Variants in ZHX1 observed in about 807,000 individuals in gnomAD.
ZHX1 encodes the protein zinc fingers and homeoboxes 1.
A neutral mutation model predicts 61.8 loss-of-function variants in ZHX1; 20 were observed. That is an observed-to-expected ratio of 0.32 (90% CI 0.23 to 0.47). ZHX1 has a LOEUF of 0.47. Ranked by LOEUF, ZHX1 falls within the 20% of genes least tolerant of loss-of-function variation. ZHX1 has a pLI of 1.00. For synonymous variants in ZHX1, 318 were observed against 352.6 expected, an observed-to-expected ratio of 0.90 and a Z score of 1.10; for missense variants, 800 against 1,034.8, an observed-to-expected ratio of 0.77 and a Z score of 3.11.
Position 123,253,772 on chromosome 8 carries a change from G to C in ZHX1, c.2175C>G (p.Tyr725Ter). The change falls in exon 3 of 4, where the codon TAC becomes TAG. Residue 725 changes from tyrosine (Y) to a stop codon, truncating the protein, a stop_gained. Coordinates refer to ENST00000395571, the MANE Select transcript of ZHX1 (RefSeq NM_007222.5). LOFTEE classifies it high-confidence loss of function. ...WKNGNLKWYY[Y>*]YQSANSSSMN... ...TACTACTTGAATTGGCGCTCTGATA[G>C]TAGTAGTACCATTTCAAGTTTCCAT... 6.2e-7 allele frequency: 1 copy of C among 1,614,230 alleles called. No homozygotes were observed. The highest frequency in any genetic ancestry group is 8.5e-7 in the Non-Finnish European group (1 of 1,180,044).
intron 3 of ZHX1, among the ~76,000 whole-genome samples, chr8:123,250,636 C>G (rs1825891561): frequency 6.6e-6 from 1 of 152,028 alleles, no homozygotes; most frequent in Admixed American, 6.5e-5. Flanking sequence ...GTACTTTTTT[C>G]TATTTCTATA....
At chr8:123,266,935 TC>T (rs1177809012) in intron 2 of ZHX1, among the ~76,000 whole-genome samples, 1 of 152,144 alleles carries the variant, frequency 6.6e-6, no homozygotes, top group East Asian at 1.9e-4. Flanking sequence ...TAGATCAATT[TC>T]CCCATACCAA....
rs869039149 is a variant in ZHX1 at position 123,249,837 on chromosome 8, G to GTTTTTTTTTTTT, written c.*475_*486dup. The GTTTTTTTTTTTT allele has an allele frequency of 8.5e-6, 1 of 117,290 alleles. No individual in the cohort carries two copies. The highest frequency in any genetic ancestry group is 1.8e-5 in the Non-Finnish European group (1 of 56,888). 7.3% of individuals were successfully genotyped at this position (117,290 alleles called of 1,614,324 possible). A position where few individuals can be genotyped will look rare whatever the true frequency, so the allele number is the denominator to read the frequency against. On this transcript the variant is annotated 3_prime_UTR_variant, in exon 4 of 4. Coordinates refer to ENST00000395571, the MANE Select transcript of ZHX1 (RefSeq NM_007222.5). The stretch of plus-strand genomic sequence containing the variant: ...AAATAAGACATAGTAATAAATCAGG[G>GTTTTTTTTTTTT]TTTTTTTTTTTTTTTTTTTTTTACC...
rs937739346 is a variant in ZHX1, at chr8:123,255,873, A to G, written c.74T>C (p.Ile25Thr). The G allele has an allele frequency of 6.2e-7, 1 of 1,614,194 alleles. No homozygotes were observed. Among genetic ancestry groups the G allele is most frequent in the Admixed American group, 1.7e-5 (1 of 60,022 alleles). The change falls in exon 3 of 4, where the codon ATA (isoleucine) becomes ACA (threonine). Residue 25 changes from isoleucine (I) to threonine (T), a missense_variant. Ile to Thr is a moderately conservative substitution (Grantham distance 89). Transcript: ENST00000395571. Reference sequence around the variant, plus strand: ...AGGAGGACCTTCATCCAAATCTGATATCAACTCAAGGTCTGGATCTTGTTC... The same window carrying G: ...AGGAGGACCTTCATCCAAATCTGATGTCAACTCAAGGTCTGGATCTTGTTC... ...ASEQDPDLEL[I>T]SDLDEGPPVL...
chr8:123,261,359 C>A (rs1826260324), intron 2 of ZHX1, among the ~76,000 whole-genome samples: 1 of 152,144 alleles, frequency 6.6e-6, no homozygotes, highest in African/African-American at 2.4e-5. Flanking sequence ...TAGGGTAAAG[C>A]CACAGGTTTT....
At chr8:123,263,378 G>T (rs1826349381) in intron 2 of ZHX1, among the ~76,000 whole-genome samples, 1 of 152,154 alleles carries the variant, frequency 6.6e-6, no homozygotes, top group African/African-American at 2.4e-5. Context: ...CTACAGAAAA[G>T]CATTTAATGA....
At chr8:123,270,261 A>C (rs1826600254) in intron 1 of ZHX1, among the ~76,000 whole-genome samples, 1 of 152,084 alleles carries the variant, frequency 6.6e-6, no homozygotes, top group South Asian at 2.1e-4. Context: ...ATCTTCTTTC[A>C]TTTCTCACTA....
At chr8:123,251,999 A>C (rs563775048) in intron 3 of ZHX1, among the ~76,000 whole-genome samples, 2 of 152,334 alleles carry the variant, frequency 1.3e-5, no homozygotes, top group East Asian at 3.9e-4. Context: ...ACCAGAGAGA[A>C]GATGTAAGGG....
chr8:123,251,750 C>G (rs1316378431), intron 3 of ZHX1, among the ~76,000 whole-genome samples: 1 of 152,268 alleles, frequency 6.6e-6, no homozygotes, highest in Middle Eastern at 3.4e-3. Flanking sequence ...TGGAGGGCTG[C>G]ACTTCAGGAT....
At chr8:123,267,662 C>T (rs1049038023) in intron 1 of ZHX1, among the ~76,000 whole-genome samples, 15 of 151,924 alleles carry the variant, frequency 9.9e-5, no homozygotes, top group African/African-American at 3.4e-4. Context: ...GAATATATGC[C>T]GTCTCTAGTG....
chr8:123,258,343 A>T (rs565691141), intron 2 of ZHX1, among the ~76,000 whole-genome samples: 89 of 152,356 alleles, frequency 5.8e-4, no homozygotes, highest in African/African-American at 2.0e-3. Flanking sequence ...CCAGCAGCAG[A>T]TGCTGGAGCC....
chr8:123,254,190 C>T lies in ZHX1; in HGVS notation c.1757G>A (p.Ser586Asn). ...TAEQLRVLQA[S>N]FLNSSVLTDE... is the part of the protein sequence containing the mutation. ...TGTAAGTACAGAGCTGTTGAGAAAA[C>T]TTGCCTGAAGGACACGAAGCTGCTC... The change falls in exon 3 of 4, where the codon AGT becomes AAT. Residue 586 changes from serine to asparagine, a missense_variant. Transcript: ENST00000395571. The surrounding 1 kb of genome is among the most constrained non-coding windows in gnomAD (Gnocchi z 4.1). 1 of 1,614,138 alleles carries T rather than the reference C, an allele frequency of 6.2e-7. No homozygotes were observed. The highest frequency in any genetic ancestry group is 8.5e-7 in the Non-Finnish European group (1 of 1,180,018).
rs755918638 is a variant in ZHX1 at position 123,253,332 on chromosome 8, T to C, written c.2615A>G (p.Asp872Gly). Residue 872 changes from aspartate (D) to glycine (G), a missense_variant, in exon 3 of 4, where the codon GAT (aspartate) becomes GGT (glycine). Transcript: ENST00000395571. ...ATTTTCTTAACTTACATTTCAGTCA[T>C]CTGATTTAGACAGCTTCCGTTTCAC... ...RHVKRKLSKS[D>G]D 4 of 1,597,128 alleles carry C rather than the reference T, an allele frequency of 2.5e-6. No homozygotes were observed. Among genetic ancestry groups the C allele is most frequent in the African/African-American group, 1.4e-5 (1 of 73,978 alleles).
chr8:123,261,961 T>C (rs1006326031), intron 2 of ZHX1, among the ~76,000 whole-genome samples: 4 of 152,118 alleles, frequency 2.6e-5, no homozygotes, highest in African/African-American at 9.7e-5. Context: ...GACAGGAAAA[T>C]TGCTGTATAG....
At chr8:123,275,116 C>A (rs1826802978), upstream of ZHX1, among the ~76,000 whole-genome samples, 1 of 152,250 alleles carries the variant, frequency 6.6e-6, no homozygotes, top group African/African-American at 2.4e-5. Context: ...CAGCCGCCCT[C>A]CTCCCTGCGA....
At chr8:123,264,731 T>A (rs1414400180) in intron 2 of ZHX1, among the ~76,000 whole-genome samples, 1 of 151,536 alleles carries the variant, frequency 6.6e-6, no homozygotes, top group Non-Finnish European at 1.5e-5. Flanking sequence ...CTAATTTTTG[T>A]ATTTTTTTTA....
At position 123,253,907 on chromosome 8, in the gene ZHX1, G is replaced by A. The variant is rs1825987679; in HGVS notation, c.2040C>T (p.Val680=). The A allele has an allele frequency of 6.2e-7, 1 of 1,614,182 alleles. No individual in the cohort carries two copies. The highest frequency in any genetic ancestry group is 8.5e-7 in the Non-Finnish European group (1 of 1,180,032). ...CTTCTGGTGATGGCCACTGTGTCCG[G>A]ACAAATGCACTCTTAAGCATGTGCA... The part of the protein sequence containing the change: ...EQLHMLKSAF[V]RTQWPSPEEY... The change falls in exon 3 of 4, where the codon GTC becomes GTT. Residue 680 remains valine (V), a synonymous_variant. Coordinates refer to ENST00000395571, the MANE Select transcript of ZHX1 (RefSeq NM_007222.5).
chr8:123,251,541 T>G (rs1004814815), intron 3 of ZHX1, among the ~76,000 whole-genome samples: 1 of 152,072 alleles, frequency 6.6e-6, no homozygotes, highest in African/African-American at 2.4e-5. Flanking sequence ...ATTCACATTA[T>G]TTTTGGAAGA....
At chr8:123,252,822 T>C (rs1014733875) in intron 3 of ZHX1, 1 of 152,474 alleles carries the variant, frequency 6.6e-6, no homozygotes, top group Admixed American at 6.5e-5. Context: ...GATGAAAAGA[T>C]ACCCATTTTC....
Sources: allele counts gnomAD v4.1 joint callset (sites outside exome capture counted in the v4.1 genomes callset), GRCh38; gene constraint gnomAD v4.1.1; non-coding constraint Gnocchi (gnomAD v3.1); transcripts MANE v1.5; gene names NCBI Gene and HGNC (gene_info 2026-07-23, HGNC 2026-07-21).